Variants in VPS37C observed in about 807,000 individuals in gnomAD.
The protein encoded by VPS37C is VPS37C subunit of ESCRT-I.
In VPS37C, 9 loss-of-function variants were observed where a neutral mutation model predicts 16.1. The ratio of observed to expected loss-of-function variants is 0.56; its 90% CI spans 0.34 to 0.97. The LOEUF (loss-of-function observed/expected upper bound fraction) is 0.97. Among genes scored for constraint, VPS37C ranks in the 50% least tolerant of loss-of-function variants. The pLI is 0.02. For synonymous variants in VPS37C, 207 were observed against 206.4 expected (o/e 1.00, Z -0.02); for missense variants, 479 against 472.7 (o/e 1.01, Z -0.12).
chr11:61,152,234 A>G (rs1321473257), intron 1 of VPS37C, among the ~76,000 whole-genome samples: 1 of 152,218 alleles, frequency 6.6e-6, no homozygotes, highest in East Asian at 1.9e-4. Flanking sequence ...AAAGTGGGGC[A>G]GCTGCAGACC....
chr11:61,150,357 G>A (rs891074789), intron 1 of VPS37C, among the ~76,000 whole-genome samples: 3 of 152,034 alleles, frequency 2.0e-5, no homozygotes, highest in African/African-American at 2.4e-5. Context: ...CAGGCTCCCC[G>A]GATGAATGTG....
rs76021745 is a variant in VPS37C, at chr11:61,155,621, T to C, written c.-7+5770A>G. On this transcript the variant is annotated intron_variant, in intron 1 of 4. Coordinates refer to ENST00000301765, the MANE Select transcript of VPS37C (RefSeq NM_017966.5). The stretch of plus-strand genomic sequence containing the variant: ...AAAAAATAGTTAATCCAGAATTCTA[T>C]ACAGGGAAAATGCCTTCCAAAAACA... Among the ~76,000 whole-genome samples the C allele has an allele frequency of 5.6e-3, 852 of 152,016 alleles. 7 individuals are homozygous for C. Among genetic ancestry groups the C allele is most frequent in the South Asian group, 0.022 (104 of 4,820 alleles).
At chr11:61,141,177 T>C (rs759367373) in intron 1 of VPS37C, among the ~76,000 whole-genome samples, 1 of 152,152 alleles carries the variant, frequency 6.6e-6, no homozygotes, top group African/African-American at 2.4e-5. Context: ...GCGACCAGCC[T>C]AGCCAACATG....
chr11:61,142,931 G>A (rs1861497414), intron 1 of VPS37C, among the ~76,000 whole-genome samples: 1 of 113,294 alleles, frequency 8.8e-6, no homozygotes, highest in Non-Finnish European at 1.6e-5. Context: ...ATGTGCACAT[G>A]TACCCTAAAA....
At chr11:61,146,213 T>C (rs994456077) in intron 1 of VPS37C, among the ~76,000 whole-genome samples, 43 of 152,140 alleles carry the variant, frequency 2.8e-4, no homozygotes, top group Admixed American at 2.8e-3. Flanking sequence ...AATCAATACT[T>C]ATGAAGCAAT....
Position 61,130,819 on chromosome 11 carries a change from G to T in VPS37C, c.*1001C>A. The T allele has an allele frequency of 2.3e-6, 1 of 441,836 alleles. No individual in the cohort carries two copies. The allele number at this position is 441,836 out of a possible 1,614,324, so 27.4% of individuals were successfully genotyped here. The stretch of plus-strand genomic sequence containing the variant: ...AGCACCATTTGGGAAGTAAAGTTAG[G>T]GCCTCTTTTGATGCCTGTCTTAGGA... On this transcript the variant is annotated 3_prime_UTR_variant, in exon 5 of 5. Coordinates refer to ENST00000301765, the MANE Select transcript of VPS37C (RefSeq NM_017966.5).
chr11:61,134,396 CACTT>C (rs1861328543), intron 2 of VPS37C, among the ~76,000 whole-genome samples, 189 bp from the exon 3 acceptor site: 5 of 152,180 alleles, frequency 3.3e-5, no homozygotes, highest in Admixed American at 3.3e-4. Flanking sequence ...CTCTGCGCCT[CACTT>C]AATCCTTAAC....
chr11:61,132,758 T>G (rs1443884025), intron 4 of VPS37C: 1 of 683,340 alleles, frequency 1.5e-6, no homozygotes, highest in Non-Finnish European at 2.4e-6. Flanking sequence ...ACTGTCTCTG[T>G]CGTGGTCACC....
At chr11:61,156,871 C>G (rs1037167416) in intron 1 of VPS37C, among the ~76,000 whole-genome samples, 20 of 152,306 alleles carry the variant, frequency 1.3e-4, no homozygotes, top group African/African-American at 4.6e-4. Context: ...AATTCTGCAC[C>G]CATTAAGCAC....
chr11:61,151,865 C>G (rs1201545953), intron 1 of VPS37C, among the ~76,000 whole-genome samples: 2 of 152,228 alleles, frequency 1.3e-5, no homozygotes, highest in Non-Finnish European at 2.9e-5. Context: ...AACTTTCTGA[C>G]AGTAAAGCCA....
intron 3 of VPS37C, 52 bp downstream of exon 3, chr11:61,133,984 C>G: frequency 3.2e-6 from 5 of 1,562,612 alleles, no homozygotes; most frequent in Middle Eastern, 1.8e-4. Flanking sequence ...ACACGGTGGG[C>G]CTCCGTCCAA....
chr11:61,150,589 C>G (rs372294484), intron 1 of VPS37C, among the ~76,000 whole-genome samples: 109 of 151,022 alleles, frequency 7.2e-4, no homozygotes, highest in African/African-American at 2.6e-3. Flanking sequence ...ACATTTAATC[C>G]AAACCCTACT....
In VPS37C at chr11:61,132,452, G is replaced by A. The variant is rs377533753; in HGVS notation, c.436C>T (p.Arg146Cys). The A allele has an allele frequency of 1.5e-5, 25 of 1,613,010 alleles. No individual in the cohort carries two copies. The highest frequency in any genetic ancestry group is 4.5e-5 in the East Asian group (2 of 44,876). Residue 146 changes from arginine (R) to cysteine (C), a missense_variant, in exon 5 of 5, where the codon CGC becomes TGC. By Grantham distance (180) the Arg-to-Cys change is radical (BLOSUM62 -3). Transcript: ENST00000301765. Reference protein sequence around the residue: ...FSSMRMLSHLRRVRVEKLQEV... With the variant: ...FSSMRMLSHLCRVRVEKLQEV... ...TGGAGCTTTTCCACGCGAACCCGGC[G>A]CAGGTGGGACAGCATCCTCATGGAG... is the stretch of plus-strand genomic sequence containing the variant.
In VPS37C at chr11:61,131,261, T is replaced by C. The variant is rs1373309851; in HGVS notation, c.*559A>G. 1 of 165,830 alleles carries C rather than the reference T, an allele frequency of 6.0e-6. No individual in the cohort carries two copies. Among genetic ancestry groups the C allele is most frequent in the African/African-American group, 2.4e-5 (1 of 41,510 alleles). The allele number at this position is 165,830 out of a possible 1,614,324, so 10.3% of individuals were successfully genotyped here. On this transcript the variant is annotated 3_prime_UTR_variant, in exon 5 of 5. Coordinates refer to ENST00000301765, the MANE Select transcript of VPS37C (RefSeq NM_017966.5). ...AGCTACTGGAGTTAAATTATGGCTT[T>C]ATAGGACTCAAACCTGTTGTTTTTC...
At chr11:61,147,927 G>A (rs1042389041) in intron 1 of VPS37C, among the ~76,000 whole-genome samples, 1 of 152,196 alleles carries the variant, frequency 6.6e-6, no homozygotes, top group African/African-American at 2.4e-5. Flanking sequence ...TGGCTCCACA[G>A]CTCTTTAACT....
Position 61,131,942 on chromosome 11 carries a change from G to C in VPS37C, c.946C>G (p.Gln316Glu). Residue 316 changes from glutamine to glutamate, a missense_variant, in exon 5 of 5, where the codon CAG (glutamine) becomes GAG (glutamate). Transcript: ENST00000301765. ...GGKPPYPIQP[Q>E]LPSFPGQPQP... ...GGCTGGCCTGGAAAGCTGGGGAGCT[G>C]AGGCTGTATTGGGTAGGGAGGTTTT... is the stretch of plus-strand genomic sequence containing the variant. 6 of 1,297,748 alleles carry C rather than the reference G, an allele frequency of 4.6e-6. No individual in the cohort carries two copies. The highest frequency in any genetic ancestry group is 5.9e-6 in the Non-Finnish European group (6 of 1,016,378). The allele number at this position is 1,297,748 out of a possible 1,614,324, so 80.4% of individuals were successfully genotyped here.
At chr11:61,149,386 T>C (rs1287497317) in intron 1 of VPS37C, among the ~76,000 whole-genome samples, 2 of 152,212 alleles carry the variant, frequency 1.3e-5, no homozygotes, top group Non-Finnish European at 2.9e-5. Context: ...TATATCACCA[T>C]GGGCACATTA....
rs368023698 is a variant in VPS37C at position 61,131,979 on chromosome 11, G to A, written c.909C>T (p.Pro303=). Residue 303 remains proline, a synonymous_variant, in exon 5 of 5, where the codon CCC becomes CCT. Coordinates refer to ENST00000301765, the MANE Select transcript of VPS37C (RefSeq NM_017966.5). The stretch of plus-strand genomic sequence containing the variant: ...GGTAGGGAGGTTTTCCTCCTGTTGC[G>A]GGGTATGGGGACTGTTGAGGATAAC... The part of the protein sequence containing the change: ...SPGYPQQSPY[P]ATGGKPPYPI... 341 of 1,314,054 alleles carry A rather than the reference G, an allele frequency of 2.6e-4. No homozygotes were observed. The highest frequency in any genetic ancestry group is 4.3e-4 in the Admixed American group (11 of 25,696). 81.4% of individuals were successfully genotyped at this position (1,314,054 alleles called of 1,614,324 possible). A position where few individuals can be genotyped will look rare whatever the true frequency, so the allele number is the denominator to read the frequency against.
At chr11:61,132,847 G>A in intron 4 of VPS37C, 1 of 549,430 alleles carries the variant, frequency 1.8e-6, no homozygotes, top group South Asian at 2.1e-5. Context: ...ATGAGCACTA[G>A]CCCAGGGACT....
Sources: gnomAD v4.1 joint callset for allele counts (sites outside exome capture counted in the v4.1 genomes callset) on GRCh38, gnomAD v4.1.1 for gene constraint, MANE v1.5 for transcripts, NCBI Gene and HGNC (gene_info 2026-07-23, HGNC 2026-07-21) for gene names.